Variants in AAK1 observed in about 807,000 individuals in gnomAD.
AAK1 encodes the protein AP2 associated kinase 1.
AAK1 carries 37 observed loss-of-function variants against 116.0 expected under a neutral mutation model. That is an observed-to-expected ratio of 0.32 (90% CI 0.25 to 0.42). The LOEUF (loss-of-function observed/expected upper bound fraction) is 0.42. Ranked by LOEUF, AAK1 falls within the 10% of genes least tolerant of loss-of-function variation. The probability of loss-of-function intolerance (pLI) is 1.00; values close to 1 mark genes in which losing one functional copy is unlikely to be tolerated. For missense variants in AAK1, 919 were observed against 1,170.6 expected, an observed-to-expected ratio of 0.79 and a Z score of 3.14; for synonymous variants, 458 against 439.9, an observed-to-expected ratio of 1.04 and a Z score of -0.51.
intron 2 of AAK1, among the ~76,000 whole-genome samples, chr2:69,642,464 G>C (rs1675778864): frequency 6.6e-6 from 1 of 151,920 alleles, no homozygotes; most frequent in Admixed American, 6.6e-5. Context: ...AGTTGGGTAG[G>C]AGAAGGAGAA....
intron 13 of AAK1, among the ~76,000 whole-genome samples, chr2:69,510,825 A>G (rs1439442480): frequency 6.6e-6 from 1 of 152,202 alleles, no homozygotes; most frequent in Non-Finnish European, 1.5e-5. Context: ...TGGACATAAT[A>G]TTGAAGAACT....
At chr2:69,507,084 A>G (rs1676214733) in intron 15 of AAK1, among the ~76,000 whole-genome samples, 1 of 152,218 alleles carries the variant, frequency 6.6e-6, no homozygotes, top group African/African-American at 2.4e-5. Flanking sequence ...CTAGGATGAG[A>G]GAACCATCAC....
intron 1 of AAK1, 123 bp from the exon 2 acceptor site, chr2:69,643,397 G>T (rs920014439): frequency 3.4e-5 from 40 of 1,182,284 alleles, no homozygotes; most frequent in Non-Finnish European, 3.9e-5. Flanking sequence ...TTCCCGGCGA[G>T]AAAAACCGTG....
chr2:69,469,793 T>A lies in AAK1; in HGVS notation c.*6076A>T, dbSNP rs766763839. The A allele has an allele frequency of 3.9e-5, 38 of 985,340 alleles. No individual in the cohort carries two copies. Among genetic ancestry groups the A allele is most frequent in the Non-Finnish European group, 4.3e-5 (36 of 829,932 alleles). 61.0% of individuals were successfully genotyped at this position (985,340 alleles called of 1,614,324 possible). ...TAAGCAAGAAGTCAAAACATACTTC[T>A]TTTTCTTGCTCTGATGTAGGACTGT... On this transcript the variant is annotated 3_prime_UTR_variant, in exon 22 of 22. Transcript: ENST00000409085.
At chr2:69,548,450 A>G (rs1671019104) in intron 3 of AAK1, among the ~76,000 whole-genome samples, 1 of 150,928 alleles carries the variant, frequency 6.6e-6, no homozygotes, top group Non-Finnish European at 1.5e-5. Context: ...TGTTTTTTCT[A>G]TCTTTCCTTC....
In AAK1 at chr2:69,475,244, A is replaced by G. The variant is rs1674810597; in HGVS notation, c.*625T>C. On this transcript the variant is annotated 3_prime_UTR_variant, in exon 22 of 22. Transcript: ENST00000409085. ...GGTGTAAAATCCCTTGGCTAAGTCT[A>G]TGATCAAACAAGGTCAAAGTTGGTT... is the stretch of plus-strand genomic sequence containing the variant. 1 of 985,842 alleles carries G rather than the reference A, an allele frequency of 1.0e-6. No individual in the cohort carries two copies. 61.1% of individuals were successfully genotyped at this position (985,842 alleles called of 1,614,324 possible). A position where few individuals can be genotyped will look rare whatever the true frequency, so the allele number is the denominator to read the frequency against.
At chr2:69,595,592 T>C (rs1431462714) in intron 2 of AAK1, among the ~76,000 whole-genome samples, 6 of 152,206 alleles carry the variant, frequency 3.9e-5, no homozygotes, top group Non-Finnish European at 7.3e-5. Context: ...CAGAAGAAGT[T>C]TGAAGCCAGC....
chr2:69,554,495 T>C (rs1180534249), intron 3 of AAK1, among the ~76,000 whole-genome samples: 3 of 152,218 alleles, frequency 2.0e-5, no homozygotes, highest in Non-Finnish European at 4.4e-5. Context: ...TATAATAATG[T>C]AAAAACTAAT....
chr2:69,622,314 C>G lies in AAK1; in HGVS notation c.163+20564G>C, dbSNP rs182503558. ...CAGCCCGCCATGCCTGAGCCTTCCC[C>G]CCTCCCCCGCCCGGCGGTGGGCTCC... On this transcript the variant is annotated intron_variant, in intron 2 of 21. Transcript: ENST00000409085. 6.3e-3 allele frequency among the ~76,000 whole-genome samples: 961 copies of G among 152,298 alleles called. 19 individuals carry two copies. The highest frequency in any genetic ancestry group is 0.012 in the East Asian group (62 of 5,176).
In AAK1 at chr2:69,471,959, CAAGT is replaced by C. The variant is rs1674697026; in HGVS notation, c.*3906_*3909del. On this transcript the variant is annotated 3_prime_UTR_variant, in exon 22 of 22. Transcript: ENST00000409085. Reference sequence around the variant, plus strand: ...TTCGTTTCTTGGGTTTGTTTTTCCACAAGTATTAGCAATCCAAGTTGTGTAATTC... The same window carrying C: ...TTCGTTTCTTGGGTTTGTTTTTCCACATTAGCAATCCAAGTTGTGTAATTC... The C allele has an allele frequency of 1.0e-6, 1 of 985,238 alleles. No homozygotes were observed. The highest frequency in any genetic ancestry group is 1.2e-6 in the Non-Finnish European group (1 of 829,864). The allele number at this position is 985,238 out of a possible 1,614,324, so 61.0% of individuals were successfully genotyped here. A position where few individuals can be genotyped will look rare whatever the true frequency, so the allele number is the denominator to read the frequency against.
intron 2 of AAK1, among the ~76,000 whole-genome samples, chr2:69,574,377 CA>C (rs58486434): frequency 0.4 from 29,630 of 74,862 alleles, 3,409 homozygotes; most frequent in East Asian, 0.52. Context: ...GACTCCCTCT[CA>C]AAAAAAAAAA....
At chr2:69,590,845 C>A (rs1177862462) in intron 2 of AAK1, among the ~76,000 whole-genome samples, 1 of 152,154 alleles carries the variant, frequency 6.6e-6, no homozygotes, top group Admixed American at 6.5e-5. Context: ...AATATGGCAA[C>A]AAAATGTACT....
chr2:69,580,017 G>C (rs1672476080), intron 2 of AAK1, among the ~76,000 whole-genome samples: 1 of 151,922 alleles, frequency 6.6e-6, no homozygotes, highest in South Asian at 2.1e-4. Context: ...CCCCAATGCT[G>C]TGACCACCAT....
intron 16 of AAK1, among the ~76,000 whole-genome samples, chr2:69,497,217 A>ATC (rs1191112595): frequency 7.5e-6 from 1 of 133,868 alleles, no homozygotes; most frequent in African/African-American, 3.5e-5. Flanking sequence ...GGCTCAAGCG[A>ATC]TCCTCCCACC....
rs749174873 is a variant in AAK1, at chr2:69,469,177, C to T, written c.*6692G>A. On this transcript the variant is annotated 3_prime_UTR_variant, in exon 22 of 22. Transcript: ENST00000409085. ...TCTTGTTAGAGGAGGTACAGTGTGG[C>T]TGAGGCGGAGAGCAACCACACTTTG... 2.3e-5 allele frequency: 23 copies of T among 985,284 alleles called. No individual in the cohort carries two copies. The highest frequency in any genetic ancestry group is 2.7e-5 in the Non-Finnish European group (22 of 829,966). The allele number at this position is 985,284 out of a possible 1,614,324, so 61.0% of individuals were successfully genotyped here.
At chr2:69,524,889 C>G in intron 10 of AAK1, 144 bp downstream of exon 10, 1 of 710,706 alleles carries the variant, frequency 1.4e-6, no homozygotes, top group Non-Finnish European at 2.4e-6. Flanking sequence ...AGAACCGTTT[C>G]TGCCTAGGCA....
chr2:69,567,558 A>G (rs989793086), intron 2 of AAK1, among the ~76,000 whole-genome samples: 1 of 152,132 alleles, frequency 6.6e-6, no homozygotes, highest in African/African-American at 2.4e-5. Flanking sequence ...AAGGATACCA[A>G]TAAAAAATTT....
rs1669624020 is a variant in AAK1, at chr2:69,519,082, C to T, written c.1369G>A (p.Ala457Thr). Residue 457 changes from alanine to threonine, a missense_variant, in exon 12 of 22, where the codon GCC becomes ACC. Around this residue, in one of 4 missense-constraint regions of AAK1, gnomAD observed 214 missense variants for 210.6 expected, o/e 1.02. Transcript: ENST00000409085. Reference protein sequence around the residue: ...STQAQGLPAQAQATPQHQQQL... With the variant: ...STQAQGLPAQTQATPQHQQQL... The stretch of plus-strand genomic sequence containing the variant: ...TGCTGGTGCTGGGGTGTGGCCTGGG[C>T]CTGAGCGGGCAGACCCTGGGCCTGA... 6.4e-7 allele frequency: 1 copy of T among 1,551,728 alleles called. No homozygotes were observed.
chr2:69,631,274 G>C lies in AAK1; in HGVS notation c.163+11604C>G, dbSNP rs1406528438. Among the ~76,000 whole-genome samples the C allele has an allele frequency of 2.6e-5, 4 of 152,310 alleles. No individual in the cohort carries two copies. The South Asian group carries it at 8.3e-4, about 32-fold the overall frequency. On this transcript the variant is annotated intron_variant, in intron 2 of 21. Coordinates refer to ENST00000409085, the MANE Select transcript of AAK1 (RefSeq NM_014911.5). Reference sequence around the variant, plus strand: ...TTACCCTAAAGGTCCCAGTACAATAGCTGTAAGTGTCCTTGAAAACATGCA... The same window carrying C: ...TTACCCTAAAGGTCCCAGTACAATACCTGTAAGTGTCCTTGAAAACATGCA...
Sources: gnomAD v4.1 joint callset for allele counts (sites outside exome capture counted in the v4.1 genomes callset) on GRCh38, gnomAD v4.1.1 for gene constraint, gnomAD v4.1.1 regional missense constraint, MANE v1.5 for transcripts, NCBI Gene and HGNC (gene_info 2026-07-23, HGNC 2026-07-21) for gene names.